USP42: variants seen among roughly 807,000 people sequenced by gnomAD.
USP42 encodes ubiquitin carboxyl-terminal hydrolase 42.
USP42 carries 23 observed loss-of-function variants against 113.0 expected under a neutral mutation model. The observed-to-expected ratio is 0.20, with a 90% confidence interval of 0.15 to 0.29. USP42 has a LOEUF of 0.29. USP42 is among the 10% of genes least tolerant of loss of function. The pLI is 1.00. For missense variants in USP42, 2,174 were observed against 1,779.8 expected (o/e 1.22, Z -3.99); for synonymous variants, 933 against 699.0 (o/e 1.33, Z -5.28).
At chr7:6,091,795 T>C in the USP42 span, among the ~76,000 whole-genome samples, 18 of 150,252 alleles carry the variant, frequency 1.2e-4, no homozygotes, top group Non-Finnish European at 2.4e-4. Context: ...AGTGGGGTGG[T>C]GTCTAGCTAT....
At chr7:6,082,665 C>T in the USP42 span, among the ~76,000 whole-genome samples, 1 of 124,576 alleles carries the variant, frequency 8.0e-6, no homozygotes, top group Non-Finnish European at 1.6e-5. Context: ...GGCTGGAGTG[C>T]AGTGGCATGA....
intron 15 of USP42, among the ~76,000 whole-genome samples, chr7:6,156,358 T>C (rs894680265): frequency 3.3e-5 from 5 of 152,198 alleles, no homozygotes; most frequent in Non-Finnish European, 7.4e-5. Flanking sequence ...CCTTAGTTCC[T>C]GAGAAAGCTG....
At chr7:6,130,092 C>CA (rs1301142841) in intron 3 of USP42, among the ~76,000 whole-genome samples, 1 of 152,002 alleles carries the variant, frequency 6.6e-6, no homozygotes, top group Non-Finnish European at 1.5e-5. Context: ...CTCAAGCAGT[C>CA]CTCTTGCGTC....
chr7:6,153,780 T>TC lies in USP42; in HGVS notation c.2229dup (p.Glu744ArgfsTer74). The TC allele has an allele frequency of 6.7e-7, 1 of 1,482,546 alleles. No individual in the cohort carries two copies. Among genetic ancestry groups the TC allele is most frequent in the Non-Finnish European group, 9.0e-7 (1 of 1,115,082 alleles). The allele number at this position is 1,482,546 out of a possible 1,614,324, so 91.8% of individuals were successfully genotyped here. ...GTGCACCTGGAGCAGAGAGGGGCCCTCCCGAGGACCGCGACGCCGAGCCTC... is the reference window on the plus strand; with the variant it reads ...GTGCACCTGGAGCAGAGAGGGGCCCTCCCCGAGGACCGCGACGCCGAGCCTC... On this transcript the variant is annotated frameshift_variant, in exon 15 of 18. Coordinates refer to ENST00000306177, the MANE Select transcript of USP42 (RefSeq NM_032172.3). LOFTEE classifies it high-confidence loss of function.
rs556000424 is a variant in USP42 at position 6,144,915 on chromosome 7, C to T, written c.991-601C>T. Among the ~76,000 whole-genome samples the T allele has an allele frequency of 5.9e-5, 9 of 151,990 alleles. No individual in the cohort carries two copies. In the South Asian group the frequency reaches 1.9e-3, roughly 32 times the overall value. On this transcript the variant is annotated intron_variant, in intron 9 of 17. Coordinates refer to ENST00000306177, the MANE Select transcript of USP42 (RefSeq NM_032172.3). Reference sequence around the variant, plus strand: ...CAGAGTTGTCATTTTGTTAGTCTGTCCTTTGATGGGTTTGAAGAATTCACT... The same window carrying T: ...CAGAGTTGTCATTTTGTTAGTCTGTTCTTTGATGGGTTTGAAGAATTCACT...
At chr7:6,135,459 C>G (rs1781080256) in intron 3 of USP42, among the ~76,000 whole-genome samples, 1 of 151,686 alleles carries the variant, frequency 6.6e-6, no homozygotes, top group Non-Finnish European at 1.5e-5. Context: ...GCCAGCCTGG[C>G]TAACATGGTG....
the USP42 span, among the ~76,000 whole-genome samples, chr7:6,095,413 T>C: frequency 6.6e-6 from 1 of 151,228 alleles, no homozygotes; most frequent in African/African-American, 2.5e-5. Flanking sequence ...CTCACGCCTG[T>C]AATCCCAGCA....
chr7:6,097,503 C>G, the USP42 span, among the ~76,000 whole-genome samples: 2 of 150,144 alleles, frequency 1.3e-5, no homozygotes, highest in Non-Finnish European at 2.9e-5. Flanking sequence ...AATTCCTGGC[C>G]TCAAGTGATC....
intron 3 of USP42, among the ~76,000 whole-genome samples, chr7:6,121,460 A>C (rs549174068): frequency 9.9e-5 from 15 of 151,912 alleles, no homozygotes; most frequent in African/African-American, 3.6e-4. Context: ...GTTTCTTATA[A>C]TGCCTTTTTT....
chr7:6,148,147 G>T (rs1781827844), intron 12 of USP42, among the ~76,000 whole-genome samples: 1 of 152,118 alleles, frequency 6.6e-6, no homozygotes, highest in African/African-American at 2.4e-5. Flanking sequence ...AGACCACCCT[G>T]GGTACCAGGG....
At chr7:6,131,152 G>A (rs1780830312) in intron 3 of USP42, among the ~76,000 whole-genome samples, 1 of 152,072 alleles carries the variant, frequency 6.6e-6, no homozygotes, top group Non-Finnish European at 1.5e-5. Context: ...GAATTGGCTA[G>A]CCTGAGGGGC....
intron 4 of USP42, among the ~76,000 whole-genome samples, chr7:6,138,834 C>T (rs987867261): frequency 1.3e-5 from 2 of 152,146 alleles, no homozygotes; most frequent in African/African-American, 4.8e-5. Context: ...AATTTCATCC[C>T]AACCCCCTCT....
intron 3 of USP42, among the ~76,000 whole-genome samples, chr7:6,132,269 C>T (rs1780891263): frequency 6.6e-6 from 1 of 152,212 alleles, no homozygotes; most frequent in East Asian, 1.9e-4. Context: ...CCACTGTCTT[C>T]TGGCCTGTGC....
At chr7:6,084,095 C>T in the USP42 span, among the ~76,000 whole-genome samples, 1 of 151,242 alleles carries the variant, frequency 6.6e-6, no homozygotes, top group African/African-American at 2.5e-5. Context: ...GGCTCAATCT[C>T]GGCTCACTGC....
At chr7:6,148,783 G>T (rs1231336441) in intron 12 of USP42, among the ~76,000 whole-genome samples, 1 of 152,216 alleles carries the variant, frequency 6.6e-6, no homozygotes, top group Non-Finnish European at 1.5e-5. Context: ...ACATCAGGCA[G>T]TATATTTGAG....
intron 4 of USP42, among the ~76,000 whole-genome samples, chr7:6,138,010 G>A (rs1431215215): frequency 6.6e-6 from 1 of 152,136 alleles, no homozygotes; most frequent in Non-Finnish European, 1.5e-5. Flanking sequence ...TATTTATATA[G>A]CAGACATGAC....
rs771003286 is a variant in USP42 at position 6,154,378 on chromosome 7, A to G, written c.2824A>G (p.Ile942Val). 1.9e-6 allele frequency: 3 copies of G among 1,576,714 alleles called. No homozygotes were observed. The highest frequency in any genetic ancestry group is 2.6e-6 in the Non-Finnish European group (3 of 1,163,000). Residue 942 changes from isoleucine (I) to valine (V), a missense_variant, in exon 15 of 18, where the codon ATC becomes GTC. Transcript: ENST00000306177. Reference protein sequence around the residue: ...APGPSPAKEKIGSLRKVDRGH... With the variant: ...APGPSPAKEKVGSLRKVDRGH... ...AGGCCCTTCCCCAGCGAAGGAGAAA[A>G]TCGGCAGCCTCAGAAAGGTGGACCG...
chr7:6,115,171 C>G (rs1779849669), intron 2 of USP42, among the ~76,000 whole-genome samples, 152 bp from the exon 3 acceptor site: 1 of 152,120 alleles, frequency 6.6e-6, no homozygotes, highest in Non-Finnish European at 1.5e-5. Flanking sequence ...TGGTTTCTGT[C>G]TTTTAAAATG....
At chr7:6,125,204 A>C (rs901908393) in intron 3 of USP42, among the ~76,000 whole-genome samples, 3 of 142,090 alleles carry the variant, frequency 2.1e-5, no homozygotes, top group East Asian at 2.1e-4. Context: ...AAAAAAAAAA[A>C]CAGGCAGGAT....
Sources: allele counts gnomAD v4.1 joint callset (sites outside exome capture counted in the v4.1 genomes callset), GRCh38; gene constraint gnomAD v4.1.1; transcripts MANE v1.5; gene names NCBI Gene and HGNC (gene_info 2026-07-23, HGNC 2026-07-21).